CNKSR2: variants seen among roughly 807,000 people sequenced by gnomAD.
The protein encoded by CNKSR2 is CNK homolog protein 2.
Under a neutral mutation model 84.4 loss-of-function variants are expected in CNKSR2, and 14 were observed. The ratio of observed to expected loss-of-function variants is 0.17; its 90% confidence interval spans 0.11 to 0.26. CNKSR2 has a LOEUF of 0.26. Among genes scored for constraint, CNKSR2 ranks in the 10% least tolerant of loss-of-function variants. The pLI, the probability that CNKSR2 is intolerant of heterozygous loss-of-function variation, is 1.00. For missense variants in CNKSR2, 485 were observed against 771.2 expected, an observed-to-expected ratio of 0.63 and a Z score of 4.40; for synonymous variants, 275 against 277.9, an observed-to-expected ratio of 0.99 and a Z score of 0.10.
chrX:21,632,710 G>C (rs769548533), intron 20 of CNKSR2, among the ~76,000 whole-genome samples: 114 of 111,539 alleles, frequency 1.0e-3, no homozygotes, highest in African/African-American at 3.4e-3. Context: ...TCCTAAATTT[G>C]TCACTAAATC....
intron 11 of CNKSR2, among the ~76,000 whole-genome samples, chrX:21,549,959 A>G (rs2092069467): frequency 8.9e-6 from 1 of 112,397 alleles, no homozygotes; most frequent in Non-Finnish European, 1.9e-5. Context: ...CTAAAACCAT[A>G]AAAACCCTAG....
chrX:21,630,016 A>G (rs1181655623), intron 20 of CNKSR2, among the ~76,000 whole-genome samples: 1 of 112,034 alleles, frequency 8.9e-6, no homozygotes, highest in Non-Finnish European at 1.9e-5. Context: ...TTTGATATCA[A>G]GGGCATTCTG....
Position 21,470,747 on chromosome X carries a change from T to C in CNKSR2, c.520-19T>C. 2 of 880,891 alleles carry C rather than the reference T, an allele frequency of 2.3e-6. No homozygotes were observed. The highest frequency in any genetic ancestry group is 4.0e-5 in the African/African-American group (2 of 49,656). 72.6% of individuals were successfully genotyped at this position (880,891 alleles called of 1,213,427 possible). ...TGCTTGATATTTTGAATCTAATGTA[T>C]ATGGTTCTTTTTTTTCAGGATTGTA... is the stretch of plus-strand genomic sequence containing the variant. On this transcript the variant is annotated intron_variant, in intron 4 of 21. Transcript: ENST00000379510.
chrX:21,503,398 T>C (rs1460399604), intron 8 of CNKSR2: 17 of 289,561 alleles, frequency 5.9e-5, no homozygotes, highest in African/African-American at 8.3e-5. Context: ...CTAACACTTA[T>C]TGTGTTCTTA....
At chrX:21,594,921 T>G in intron 15 of CNKSR2, 53 bp from the exon 16 acceptor site, 1 of 919,203 alleles carries the variant, frequency 1.1e-6, no homozygotes, top group Non-Finnish European at 1.6e-6. Flanking sequence ...CAGAGTATCA[T>G]TACCTTCACA....
At position 21,374,875 on chromosome X, in the gene CNKSR2, T is replaced by A. The variant is rs531584711; in HGVS notation, c.-23T>A. Reference sequence around the variant, plus strand: ...CGTTTTGTGTCTGAGCTCTGCGCTCTGCACGGAACCGACCCCGTACCCATG... The same window carrying A: ...CGTTTTGTGTCTGAGCTCTGCGCTCAGCACGGAACCGACCCCGTACCCATG... On this transcript the variant is annotated 5_prime_UTR_variant, in exon 1 of 22. Coordinates refer to ENST00000379510, the MANE Select transcript of CNKSR2 (RefSeq NM_014927.5). 32 of 1,197,731 alleles carry A rather than the reference T, an allele frequency of 2.7e-5. No individual in the cohort carries two copies. The South Asian group carries it at 4.8e-4, about 18-fold the overall frequency.
intron 20 of CNKSR2, chrX:21,642,921 A>G (rs926170060): frequency 9.5e-6 from 5 of 526,653 alleles, no homozygotes; most frequent in Non-Finnish European, 1.2e-5. Flanking sequence ...TATATATATA[A>G]TGATGGTTCT....
At position 21,398,803 on chromosome X, in the gene CNKSR2, G is replaced by A. The variant is rs1024333516; in HGVS notation, c.64+23842G>A. Among the ~76,000 whole-genome samples the A allele has an allele frequency of 5.4e-5, 6 of 111,899 alleles. No individual in the cohort carries two copies. In the East Asian group the frequency reaches 1.1e-3, roughly 21 times the overall value. ...AAATCTATGACTTTATATTGAACCAGCGGTTTTGAGTTCTTAATTTAATTA... is the reference window on the plus strand; with the variant it reads ...AAATCTATGACTTTATATTGAACCAACGGTTTTGAGTTCTTAATTTAATTA... On this transcript the variant is annotated intron_variant, in intron 1 of 21. Coordinates refer to ENST00000379510, the MANE Select transcript of CNKSR2 (RefSeq NM_014927.5).
At chrX:21,445,091 ATTACTT>A (rs1414172927) in intron 4 of CNKSR2, among the ~76,000 whole-genome samples, 1 of 111,322 alleles carries the variant, frequency 9.0e-6, no homozygotes, top group African/African-American at 3.3e-5. Flanking sequence ...AACTTTAAAT[ATTACTT>A]TTACTATGTA....
intron 2 of CNKSR2, chrX:21,428,797 C>T (rs930339977): frequency 9.0e-6 from 1 of 111,032 alleles, no homozygotes; most frequent in Non-Finnish European, 1.9e-5. Flanking sequence ...TTGATGTTTG[C>T]AATTGCTGGG....
At chrX:21,617,714 C>A (rs1477214575) in intron 20 of CNKSR2, among the ~76,000 whole-genome samples, 1 of 110,997 alleles carries the variant, frequency 9.0e-6, no homozygotes, top group African/African-American at 3.3e-5. Context: ...TTTGATATGG[C>A]GTTAGTTTAT....
At chrX:21,607,741 T>C (rs578085137) in intron 19 of CNKSR2, among the ~76,000 whole-genome samples, 2 of 110,066 alleles carry the variant, frequency 1.8e-5, no homozygotes, top group Middle Eastern at 9.5e-3. Context: ...GAGGTGGAGG[T>C]TGCAGTGATC....
At chrX:21,606,177 C>T (rs1299189838) in intron 18 of CNKSR2, among the ~76,000 whole-genome samples, 3 of 111,695 alleles carry the variant, frequency 2.7e-5, no homozygotes, top group Non-Finnish European at 5.6e-5. Flanking sequence ...AGCAGATTTG[C>T]CCTTTTGCAT....
chrX:21,629,684 CCT>C (rs1332259137), intron 20 of CNKSR2, among the ~76,000 whole-genome samples: 2 of 111,661 alleles, frequency 1.8e-5, no homozygotes, highest in Non-Finnish European at 3.8e-5. Flanking sequence ...CCACGGGGTC[CCT>C]CCCACAACTC....
intron 4 of CNKSR2, among the ~76,000 whole-genome samples, chrX:21,468,389 G>A (rs918812670): frequency 1.5e-4 from 17 of 111,060 alleles, no homozygotes; most frequent in African/African-American, 4.3e-4. Flanking sequence ...TCCATCCATT[G>A]CAGTTATTAT....
chrX:21,604,436 G>A (rs925880619), intron 18 of CNKSR2, among the ~76,000 whole-genome samples: 43 of 110,647 alleles, frequency 3.9e-4, no homozygotes, highest in African/African-American at 1.2e-3. Flanking sequence ...TGCACGTTGT[G>A]CACATGTACC....
At chrX:21,428,865 CA>C (rs2090599039) in intron 2 of CNKSR2, 1 of 110,380 alleles carries the variant, frequency 9.1e-6, no homozygotes, top group Admixed American at 9.7e-5. Flanking sequence ...ATTTATTTTC[CA>C]AAAAAATTCA....
At chrX:21,381,422 C>T (rs1359339833) in intron 1 of CNKSR2, among the ~76,000 whole-genome samples, 2 of 110,965 alleles carry the variant, frequency 1.8e-5, no homozygotes, top group Non-Finnish European at 3.8e-5. Context: ...CCTTTTTTTC[C>T]TATTACCACA....
intron 4 of CNKSR2, among the ~76,000 whole-genome samples, chrX:21,444,824 A>G (rs1265864873): frequency 9.0e-6 from 1 of 111,200 alleles, no homozygotes; most frequent in Admixed American, 9.6e-5. Flanking sequence ...ATGCAAATTT[A>G]TTACTGTGCT....
Sources: allele counts gnomAD v4.1 joint callset (sites outside exome capture counted in the v4.1 genomes callset), GRCh38; gene constraint gnomAD v4.1.1; transcripts MANE v1.5; gene names NCBI Gene and HGNC (gene_info 2026-07-23, HGNC 2026-07-21).